BARX2: variants seen among roughly 807,000 people sequenced by gnomAD.
BARX2 encodes the protein BARX homeobox 2.
BARX2 carries 11 observed loss-of-function variants against 25.5 expected under a neutral mutation model. The observed-to-expected ratio is 0.43, with a 90% confidence interval of 0.27 to 0.71. BARX2 has a LOEUF of 0.71. Ranked by LOEUF, BARX2 falls within the 30% of genes least tolerant of loss-of-function variation. The pLI, the probability that BARX2 is intolerant of heterozygous loss-of-function variation, is 0.19. For synonymous variants in BARX2, 137 were observed against 149.5 expected, an observed-to-expected ratio of 0.92 and a Z score of 0.61; for missense variants, 360 against 359.9, an observed-to-expected ratio of 1.00 and a Z score of 0.00.
intron 1 of BARX2, among the ~76,000 whole-genome samples, chr11:129,381,210 A>G (rs934045737): frequency 6.6e-6 from 1 of 152,208 alleles, no homozygotes; most frequent in East Asian, 1.9e-4. Flanking sequence ...ACTGTTCACT[A>G]TCATTTAATT....
At chr11:129,410,242 T>C (rs1048740650) in intron 1 of BARX2, among the ~76,000 whole-genome samples, 2 of 152,242 alleles carry the variant, frequency 1.3e-5, no homozygotes, top group Non-Finnish European at 2.9e-5. Flanking sequence ...CTTCCAGCTG[T>C]CTTCTACTTT....
At chr11:129,448,534 T>G (rs1295848447) in intron 3 of BARX2, among the ~76,000 whole-genome samples, 1 of 152,196 alleles carries the variant, frequency 6.6e-6, no homozygotes, top group African/African-American at 2.4e-5. Context: ...CTAAACTTCA[T>G]TAGTCATCAG....
rs1246092679 is a variant in BARX2, at chr11:129,410,544, A to T, written c.188-26207A>T. ...TTATCTGCAGGAATGAAGCTCTGAG[A>T]CACTGAATGGGAGGGGTGTGTGGGG... On this transcript the variant is annotated intron_variant, in intron 1 of 3. Coordinates refer to ENST00000281437, the MANE Select transcript of BARX2 (RefSeq NM_003658.5). 2.0e-5 allele frequency among the ~76,000 whole-genome samples: 3 copies of T among 152,152 alleles called. No homozygotes were observed. In the East Asian group the frequency reaches 5.8e-4, roughly 29 times the overall value.
At position 129,376,256 on chromosome 11, in the gene BARX2, G is replaced by A. The variant is rs755954575; in HGVS notation, c.187+34G>A. The A allele has an allele frequency of 8.9e-6, 14 of 1,567,594 alleles. No individual in the cohort carries two copies. Among genetic ancestry groups the A allele is most frequent in the Middle Eastern group, 1.7e-4 (1 of 5,940 alleles). On this transcript the variant is annotated intron_variant, in intron 1 of 3. Transcript: ENST00000281437. The surrounding 1 kb of genome is among the most constrained non-coding windows in gnomAD (Gnocchi z 4.2). ...CTCCGCTAGGGGATAAGTGGGGTTC[G>A]GTAGCTTTCACGTCCGTGTAGGTGG...
rs111828730 is a variant in BARX2 at position 129,423,860 on chromosome 11, C to CTTT, written c.188-12879_188-12877dup. Among the ~76,000 whole-genome samples, 1,103 of 143,004 alleles carry CTTT rather than the reference C, an allele frequency of 7.7e-3. 13 individuals are homozygous for CTTT. The highest frequency in any genetic ancestry group is 0.027 in the African/African-American group (1,043 of 39,174). 93.8% of individuals were successfully genotyped at this position (143,004 alleles called of 152,430 possible). ...TCCTCTGTTTCTTTCTCTCTCTCTC[C>CTTT]TTTTTTTTTTTTTTGTTGAGATGGA... On this transcript the variant is annotated intron_variant, in intron 1 of 3. Coordinates refer to ENST00000281437, the MANE Select transcript of BARX2 (RefSeq NM_003658.5).
At chr11:129,443,163 A>C (rs1862283653) in intron 3 of BARX2, among the ~76,000 whole-genome samples, 1 of 152,146 alleles carries the variant, frequency 6.6e-6, no homozygotes, top group Admixed American at 6.5e-5. Flanking sequence ...AAAAGCTTAC[A>C]GGCTTTTAAC....
chr11:129,387,497 A>G (rs1033009209), intron 1 of BARX2, among the ~76,000 whole-genome samples: 5 of 152,228 alleles, frequency 3.3e-5, no homozygotes, highest in African/African-American at 1.2e-4. Flanking sequence ...TATGGTTCCA[A>G]TCTAAGACCT....
intron 1 of BARX2, among the ~76,000 whole-genome samples, chr11:129,413,552 C>T (rs1413680297): frequency 6.6e-6 from 1 of 151,974 alleles, no homozygotes; most frequent in African/African-American, 2.4e-5. Flanking sequence ...CTGGAGAGTC[C>T]AGAAGGTTTT....
intron 1 of BARX2, among the ~76,000 whole-genome samples, chr11:129,413,376 C>T (rs575867938): frequency 1.8e-4 from 27 of 152,228 alleles, no homozygotes; most frequent in Non-Finnish European, 3.4e-4. Context: ...GGACCAGAGT[C>T]GGCAGCAGAG....
chr11:129,422,409 C>T (rs1174262359), intron 1 of BARX2, among the ~76,000 whole-genome samples: 1 of 152,172 alleles, frequency 6.6e-6, no homozygotes, highest in Non-Finnish European at 1.5e-5. Flanking sequence ...AGTGATCCTC[C>T]TGCCTCAGCC....
intron 3 of BARX2, among the ~76,000 whole-genome samples, chr11:129,444,768 G>A (rs1481203362): frequency 6.6e-6 from 1 of 152,124 alleles, no homozygotes; most frequent in African/African-American, 2.4e-5. Flanking sequence ...TTGGGAGGCC[G>A]AGGTGGGTGG....
intron 1 of BARX2, among the ~76,000 whole-genome samples, chr11:129,388,092 A>ACT (rs1378787201): frequency 0.084 from 5,139 of 61,408 alleles, 221 homozygotes; most frequent in East Asian, 0.36. Context: ...TAGGCAACAT[A>ACT]CTGTGTGTGT....
intron 2 of BARX2, chr11:129,437,982 C>T (rs10791008): frequency 0.15 from 21,963 of 150,370 alleles, 2,235 homozygotes; most frequent in East Asian, 0.54. Context: ...GGTATGATTG[C>T]ATCAGATTGC....
At chr11:129,420,070 G>A (rs1333321147) in intron 1 of BARX2, among the ~76,000 whole-genome samples, 1 of 152,100 alleles carries the variant, frequency 6.6e-6, no homozygotes, top group Non-Finnish European at 1.5e-5. Flanking sequence ...AAAGGCATGA[G>A]CCACTGCACC....
At chr11:129,415,984 C>T (rs1409567429) in intron 1 of BARX2, among the ~76,000 whole-genome samples, 1 of 152,240 alleles carries the variant, frequency 6.6e-6, no homozygotes, top group East Asian at 1.9e-4. Context: ...AGAGTCCATG[C>T]TGAGAATGAC....
In BARX2 at chr11:129,446,034, G is replaced by A. The variant is rs1291588994; in HGVS notation, c.573+3115G>A. On this transcript the variant is annotated intron_variant, in intron 3 of 3. Coordinates refer to ENST00000281437, the MANE Select transcript of BARX2 (RefSeq NM_003658.5). ...TGCCAAGGGTAACTTTGCCAGAACCGAGATAGCATCTCTGACGAATTCTGA... is the reference window on the plus strand; with the variant it reads ...TGCCAAGGGTAACTTTGCCAGAACCAAGATAGCATCTCTGACGAATTCTGA... Among the ~76,000 whole-genome samples, 6 of 152,174 alleles carry A rather than the reference G, an allele frequency of 3.9e-5. No individual in the cohort carries two copies. The East Asian group carries it at 7.7e-4, about 20-fold the overall frequency.
intron 1 of BARX2, among the ~76,000 whole-genome samples, chr11:129,385,682 A>C (rs1861610697): frequency 6.6e-6 from 1 of 152,206 alleles, no homozygotes; most frequent in Admixed American, 6.5e-5. Flanking sequence ...TTATTTATTT[A>C]TTAAGACAAA....
intron 1 of BARX2, among the ~76,000 whole-genome samples, chr11:129,395,670 A>G (rs1047221130): frequency 4.6e-5 from 7 of 152,112 alleles, no homozygotes; most frequent in East Asian, 1.9e-4. Flanking sequence ...CTCATCTCTC[A>G]GTGCTGGTCA....
intron 1 of BARX2, among the ~76,000 whole-genome samples, chr11:129,377,308 G>A (rs1861514001): frequency 6.6e-6 from 1 of 152,210 alleles, no homozygotes; most frequent in African/African-American, 2.4e-5. Flanking sequence ...GTGGAATCCT[G>A]TATTTTCTCT....
Sources: allele counts gnomAD v4.1 joint callset (sites outside exome capture counted in the v4.1 genomes callset), GRCh38; gene constraint gnomAD v4.1.1; non-coding constraint Gnocchi (gnomAD v3.1); transcripts MANE v1.5; gene names NCBI Gene and HGNC (gene_info 2026-07-23, HGNC 2026-07-21).